DCP1A: variants seen among roughly 807,000 people sequenced by gnomAD.
DCP1A encodes the protein decapping mRNA 1A, also known as mRNA-decapping enzyme 1A.
In DCP1A, 20 loss-of-function variants were observed where a neutral mutation model predicts 58.0. The ratio of observed to expected loss-of-function variants is 0.34; its 90% CI spans 0.24 to 0.50. The LOEUF is 0.50. Among genes scored for constraint, DCP1A ranks in the 20% least tolerant of loss-of-function variants. The pLI is 0.98. For missense variants in DCP1A, 613 were observed against 712.2 expected, an observed-to-expected ratio of 0.86 and a Z score of 1.59; for synonymous variants, 285 against 275.1, an observed-to-expected ratio of 1.04 and a Z score of -0.36.
intron 3 of DCP1A, among the ~76,000 whole-genome samples, chr3:53,321,805 A>T (rs1294923242): frequency 1.3e-5 from 2 of 152,200 alleles, no homozygotes; most frequent in Non-Finnish European, 2.9e-5. Context: ...CATTGCTTAC[A>T]TCTCATTACA....
chr3:53,332,449 C>T (rs2089022986), intron 3 of DCP1A, among the ~76,000 whole-genome samples: 1 of 152,210 alleles, frequency 6.6e-6, no homozygotes, highest in African/African-American at 2.4e-5. Context: ...TGCATGTTCT[C>T]TTCCTTTAGT....
chr3:53,287,932 G>A, intron 9 of DCP1A, 133 bp downstream of exon 9: 1 of 889,172 alleles, frequency 1.1e-6, no homozygotes, highest in Non-Finnish European at 1.7e-6. Context: ...TGGGATTACA[G>A]GTGTGAGCCA....
chr3:53,309,353 G>C (rs996738119), intron 5 of DCP1A, among the ~76,000 whole-genome samples: 1 of 146,942 alleles, frequency 6.8e-6, no homozygotes, highest in African/African-American at 2.5e-5. Flanking sequence ...CCTGGCAACA[G>C]AGCGAGACTC....
intron 3 of DCP1A, among the ~76,000 whole-genome samples, chr3:53,324,978 C>T (rs1243225518): frequency 6.6e-6 from 1 of 151,856 alleles, no homozygotes. Flanking sequence ...TAAATGTTTC[C>T]TTTGCTTTTC....
intron 6 of DCP1A, among the ~76,000 whole-genome samples, chr3:53,298,333 A>G (rs10461029): frequency 0.32 from 48,819 of 152,068 alleles, 8,603 homozygotes; most frequent in Middle Eastern, 0.43. Context: ...GCCTCCCTAT[A>G]ACTACTGCGA....
chr3:53,324,647 C>T (rs1553690390), intron 3 of DCP1A, among the ~76,000 whole-genome samples: 2 of 152,180 alleles, frequency 1.3e-5, no homozygotes, highest in African/African-American at 4.8e-5. Context: ...AAAGAAACTA[C>T]TTACTTAATG....
intron 3 of DCP1A, among the ~76,000 whole-genome samples, chr3:53,330,224 T>C (rs1163214496): frequency 3.9e-5 from 6 of 152,126 alleles, no homozygotes; most frequent in Admixed American, 3.9e-4. Flanking sequence ...CTTACTGTAG[T>C]AGCACATTTC....
In DCP1A at chr3:53,330,118, A is replaced by T. The variant is rs141663581; in HGVS notation, c.305-10645T>A. Among the ~76,000 whole-genome samples the T allele has an allele frequency of 1.1e-3, 167 of 152,326 alleles. 2 individuals are homozygous for T. Among genetic ancestry groups the T allele is most frequent in the African/African-American group, 3.8e-3 (157 of 41,572 alleles). ...GTTACTAGCCCAGTCATTCAAATTT[A>T]CAAGCAATAACTCTCAAATCACAGA... On this transcript the variant is annotated intron_variant, in intron 3 of 9. Coordinates refer to ENST00000610213, the MANE Select transcript of DCP1A (RefSeq NM_018403.7).
At chr3:53,311,580 G>A (rs1707646190) in intron 5 of DCP1A, among the ~76,000 whole-genome samples, 1 of 152,190 alleles carries the variant, frequency 6.6e-6, no homozygotes, top group African/African-American at 2.4e-5. Context: ...GTGAATTTCA[G>A]AAAAGCCTCT....
At chr3:53,300,677 T>TC (rs1430318544) in intron 6 of DCP1A, among the ~76,000 whole-genome samples, 1 of 151,382 alleles carries the variant, frequency 6.6e-6, no homozygotes, top group African/African-American at 2.4e-5. Flanking sequence ...AAACAGGGTC[T>TC]CCCTTGGTCG....
At chr3:53,328,944 C>T (rs141291778) in intron 3 of DCP1A, 190 of 157,204 alleles carry the variant, frequency 1.2e-3, no homozygotes, top group African/African-American at 4.2e-3. Flanking sequence ...ACAGCGGTGC[C>T]GCAACTGATG....
At chr3:53,316,221 T>G (rs2106844234) in intron 4 of DCP1A, among the ~76,000 whole-genome samples, 1 of 152,300 alleles carries the variant, frequency 6.6e-6, no homozygotes. Context: ...AGAGGTGATA[T>G]TCTCAAATAT....
chr3:53,324,131 G>A (rs1239913896), intron 3 of DCP1A, among the ~76,000 whole-genome samples: 1 of 152,140 alleles, frequency 6.6e-6, no homozygotes, highest in African/African-American at 2.4e-5. Context: ...TTCTGCTTTT[G>A]TATATTATCA....
intron 4 of DCP1A, among the ~76,000 whole-genome samples, chr3:53,315,744 G>GTTTT (rs797040721): frequency 0.057 from 5,449 of 95,078 alleles, 536 homozygotes; most frequent in Non-Finnish European, 0.071. Flanking sequence ...TCAGTTTGTT[G>GTTTT]TTTTTTTTTT....
intron 8 of DCP1A, among the ~76,000 whole-genome samples, chr3:53,290,374 G>A (rs1441620491): frequency 2.0e-5 from 3 of 152,070 alleles, no homozygotes; most frequent in Non-Finnish European, 4.4e-5. Context: ...CACACTCTTA[G>A]CAGTCACCCA....
At chr3:53,342,909 A>G (rs1011283856) in intron 2 of DCP1A, among the ~76,000 whole-genome samples, 2 of 152,238 alleles carry the variant, frequency 1.3e-5, no homozygotes, top group African/African-American at 2.4e-5. Context: ...ATATCATTCA[A>G]TTGGATTGGC....
chr3:53,308,609 T>C (rs1707546191), intron 5 of DCP1A, among the ~76,000 whole-genome samples: 1 of 151,914 alleles, frequency 6.6e-6, no homozygotes, highest in Non-Finnish European at 1.5e-5. Flanking sequence ...CTTTTTTCTT[T>C]TTAAGAAACA....
intron 3 of DCP1A, among the ~76,000 whole-genome samples, chr3:53,341,733 C>G (rs1553692562): frequency 6.6e-6 from 1 of 152,154 alleles, no homozygotes; most frequent in Non-Finnish European, 1.5e-5. Flanking sequence ...GAGACACAGT[C>G]TCATTCTGTT....
At chr3:53,313,601 T>G (rs1313681580) in intron 4 of DCP1A, among the ~76,000 whole-genome samples, 2 of 152,094 alleles carry the variant, frequency 1.3e-5, no homozygotes, top group Non-Finnish European at 2.9e-5. Context: ...AATAATAAAT[T>G]TTAATAAAGC....
Sources: gnomAD v4.1 joint callset for allele counts (sites outside exome capture counted in the v4.1 genomes callset) on GRCh38, gnomAD v4.1.1 for gene constraint, MANE v1.5 for transcripts, NCBI Gene and HGNC (gene_info 2026-07-23, HGNC 2026-07-21) for gene names.